MEN1: variants seen among roughly 807,000 people sequenced by gnomAD.
MEN1 encodes menin 1.
A neutral mutation model predicts 58.0 loss-of-function variants in MEN1; 6 were observed. The observed-to-expected ratio is 0.10, with a 90% confidence interval of 0.06 to 0.20. MEN1 has a LOEUF of 0.20. Among genes scored for constraint, MEN1 ranks in the 10% least tolerant of loss-of-function variants. The probability of loss-of-function intolerance (pLI) is 1.00; values close to 1 mark genes in which losing one functional copy is unlikely to be tolerated. For missense variants in MEN1, 492 were observed against 818.5 expected (o/e 0.60, Z 4.87); for synonymous variants, 346 against 350.7 (o/e 0.99, Z 0.15).
At chr11:64,808,817 A>G (rs1448653725) in intron 2 of MEN1, among the ~76,000 whole-genome samples, 2 of 152,138 alleles carry the variant, frequency 1.3e-5, no homozygotes, top group Non-Finnish European at 2.9e-5. Context: ...GCATGGTGGC[A>G]GGCTCCTGTA....
At position 64,804,901 on chromosome 11, in the gene MEN1, C is replaced by T; in HGVS notation, c.1351-85G>A. 6.3e-7 allele frequency: 1 copy of T among 1,596,194 alleles called. No individual in the cohort carries two copies. The highest frequency in any genetic ancestry group is 1.1e-5 in the South Asian group (1 of 90,856). On this transcript the variant is annotated intron_variant, in intron 9 of 9. Transcript: ENST00000450708. This position sits in a 1 kb window ranked among gnomAD's most constrained non-coding sequence, Gnocchi z 4.2. ...GGACCCTGCTCTGGCCATCCCATCCCACCCAGGGGGTCTCAGTCCCATCGG... is the reference window on the plus strand; with the variant it reads ...GGACCCTGCTCTGGCCATCCCATCCTACCCAGGGGGTCTCAGTCCCATCGG...
chr11:64,804,212 A>C lies in MEN1; in HGVS notation c.*122T>G. The C allele has an allele frequency of 2.4e-6, 3 of 1,275,768 alleles. No homozygotes were observed. Among genetic ancestry groups the C allele is most frequent in the Non-Finnish European group, 2.3e-6 (2 of 882,540 alleles). 79.0% of individuals were successfully genotyped at this position (1,275,768 alleles called of 1,614,324 possible). Reference sequence around the variant, plus strand: ...ATACAGACTGTACTCGGGACCGGGAACCTAGGGTTTGGGTAGAGGTGAGGC... The same window carrying C: ...ATACAGACTGTACTCGGGACCGGGACCCTAGGGTTTGGGTAGAGGTGAGGC... On this transcript the variant is annotated 3_prime_UTR_variant, in exon 10 of 10. Transcript: ENST00000450708. This position sits in a 1 kb window ranked among gnomAD's most constrained non-coding sequence, Gnocchi z 4.2.
Position 64,804,234 on chromosome 11 carries a change from A to AG in MEN1, c.*99dup. ...GGAACCTAGGGTTTGGGTAGAGGTG[A>AG]GGCCTGTCCCCTTTGGGCTGGGGGC... On this transcript the variant is annotated 3_prime_UTR_variant, in exon 10 of 10. Transcript: ENST00000450708. The surrounding 1 kb of genome is among the most constrained non-coding windows in gnomAD (Gnocchi z 4.2). The AG allele has an allele frequency of 1.3e-6, 2 of 1,505,944 alleles. No homozygotes were observed. Among genetic ancestry groups the AG allele is most frequent in the Admixed American group, 3.3e-5 (2 of 59,818 alleles). 93.3% of individuals were successfully genotyped at this position (1,505,944 alleles called of 1,614,324 possible). A position where few individuals can be genotyped will look rare whatever the true frequency, so the allele number is the denominator to read the frequency against.
chr11:64,804,020 G>T lies in MEN1; in HGVS notation c.*314C>A. ...AACGTTGGTCTGGCTCTAGGTGAGC[G>T]GTTCCGAGGAGGAGCTTGGGTTTCT... On this transcript the variant is annotated 3_prime_UTR_variant, in exon 10 of 10. Transcript: ENST00000450708. The surrounding 1 kb of genome is among the most constrained non-coding windows in gnomAD (Gnocchi z 4.2). 1 of 461,114 alleles carries T rather than the reference G, an allele frequency of 2.2e-6. No individual in the cohort carries two copies. The highest frequency in any genetic ancestry group is 4.0e-6 in the Non-Finnish European group (1 of 250,654). 28.6% of individuals were successfully genotyped at this position (461,114 alleles called of 1,614,324 possible).
chr11:64,806,195 A>G, intron 7 of MEN1, 37 bp downstream of exon 7: 1 of 1,613,024 alleles, frequency 6.2e-7, no homozygotes, highest in Non-Finnish European at 8.5e-7. Flanking sequence ...GAGGGGAAGA[A>G]AGGACAGGCT....
chr11:64,806,906 G>A (rs370047971), intron 6 of MEN1, 105 bp downstream of exon 6: 15 of 998,998 alleles, frequency 1.5e-5, no homozygotes, highest in Non-Finnish European at 2.2e-5. Flanking sequence ...CTGGATGGGC[G>A]ATACCCCCCA....
Position 64,805,157 on chromosome 11 carries a change from G to A in MEN1, c.1227C>T (p.Cys409=), listed in dbSNP as rs1941619859. 6.2e-7 allele frequency: 1 copy of A among 1,613,970 alleles called. No individual in the cohort carries two copies. Among genetic ancestry groups the A allele is most frequent in the African/African-American group, 1.3e-5 (1 of 74,940 alleles). The change falls in exon 9 of 10, where the codon TGC becomes TGT. Residue 409 remains cysteine (C), a synonymous_variant. Transcript: ENST00000450708. The part of the protein sequence containing the change: ...SQGSALQDPE[C]FAHLLRFYDG... ...CGTAGAATCGCAGCAGGTGGGCGAA[G>A]CACTCAGGGTCCTGGAGGGCGGAAC...
rs1941574613 is a variant in MEN1, at chr11:64,804,827, G to A, written c.1351-11C>T. ...CACCTTCTGCCGCACCTGGGCCAGT[G>A]GGGAGAGCAAGGTGAGAGCAAGGTT... On this transcript the variant is annotated splice_polypyrimidine_tract_variant and intron_variant, in intron 9 of 9. Coordinates refer to ENST00000450708, the MANE Select transcript of MEN1 (RefSeq NM_001370259.2). This position sits in a 1 kb window ranked among gnomAD's most constrained non-coding sequence, Gnocchi z 4.2. 3 of 1,596,710 alleles carry A rather than the reference G, an allele frequency of 1.9e-6. No individual in the cohort carries two copies. Among genetic ancestry groups the A allele is most frequent in the Admixed American group, 3.3e-5 (2 of 59,964 alleles).
At position 64,804,403 on chromosome 11, in the gene MEN1, C is replaced by T. The variant is rs373669288; in HGVS notation, c.1764G>A (p.Lys588=). ...QLTAQSQVQM[K]KQKVSTPSDY... ...CACTAGGGGTGGACACTTTCTGCTT[C>T]TTCATCTGCACTTGCGACTGTGCCG... Residue 588 remains lysine (K), a synonymous_variant, in exon 10 of 10, where the codon AAG becomes AAA. Coordinates refer to ENST00000450708, the MANE Select transcript of MEN1 (RefSeq NM_001370259.2). The surrounding 1 kb of genome is among the most constrained non-coding windows in gnomAD (Gnocchi z 4.2). The T allele has an allele frequency of 3.1e-5, 50 of 1,614,068 alleles. No homozygotes were observed. Among genetic ancestry groups the T allele is most frequent in the Non-Finnish European group, 4.1e-5 (48 of 1,180,030 alleles).
Position 64,803,764 on chromosome 11 carries a change from G to A in MEN1, c.*570C>T, listed in dbSNP as rs886048469. On this transcript the variant is annotated 3_prime_UTR_variant, in exon 10 of 10. Transcript: ENST00000450708. ...GCTCATAGGCTGGGGGCGGAGTTTTGTGTCCCAGACTCGGGATACGAAGGA... is the reference window on the plus strand; with the variant it reads ...GCTCATAGGCTGGGGGCGGAGTTTTATGTCCCAGACTCGGGATACGAAGGA... 1 of 243,684 alleles carries A rather than the reference G, an allele frequency of 4.1e-6. No homozygotes were observed. Among genetic ancestry groups the A allele is most frequent in the East Asian group, 5.9e-5 (1 of 16,980 alleles). The allele number at this position is 243,684 out of a possible 1,614,324, so 15.1% of individuals were successfully genotyped here. A position where few individuals can be genotyped will look rare whatever the true frequency, so the allele number is the denominator to read the frequency against.
chr11:64,805,486 TCA>T, intron 8 of MEN1, 147 bp downstream of exon 8: 1 of 1,058,894 alleles, frequency 9.4e-7, no homozygotes, highest in Non-Finnish European at 1.4e-6. Flanking sequence ...GCCCAGGACC[TCA>T]GTTATAGCAA....
intron 8 of MEN1, 87 bp from the exon 9 acceptor site, chr11:64,805,285 G>A (rs1415841608): frequency 4.1e-6 from 6 of 1,471,206 alleles, no homozygotes; most frequent in African/African-American, 2.8e-5. Context: ...CCTAGGCAAA[G>A]ACCCCTGGCT....
Position 64,809,073 on chromosome 11 carries a change from G to A in MEN1, c.445+592C>T, listed in dbSNP as rs1941938284. 2.0e-5 allele frequency among the ~76,000 whole-genome samples: 3 copies of A among 151,666 alleles called. No homozygotes were observed. In the South Asian group the frequency reaches 6.2e-4, roughly 32 times the overall value. ...GCCCAAGAGTTCAAGACCAGTCTGG[G>A]CCACATAGTGAGACACCATCTCTAC... On this transcript the variant is annotated intron_variant, in intron 2 of 9. Coordinates refer to ENST00000450708, the MANE Select transcript of MEN1 (RefSeq NM_001370259.2).
At chr11:64,806,872 GCA>G in intron 6 of MEN1, 137 bp downstream of exon 6, 1 of 790,224 alleles carries the variant, frequency 1.3e-6, no homozygotes, top group Non-Finnish European at 2.1e-6. Flanking sequence ...AACTGATTCT[GCA>G]CACAGTTGAC....
rs771645621 is a variant in MEN1, at chr11:64,806,340, C to T, written c.941G>A (p.Arg314Gln). 84 of 1,614,056 alleles carry T rather than the reference C, an allele frequency of 5.2e-5. No individual in the cohort carries two copies. Among genetic ancestry groups the T allele is most frequent in the Non-Finnish European group, 6.7e-5 (79 of 1,180,012 alleles). Reference sequence around the variant, plus strand: ...CATGTAGGGGTAGATGTGTTCATCCCGATAGTAGGTCTTGGCTGAGGCAAT... The same window carrying T: ...CATGTAGGGGTAGATGTGTTCATCCTGATAGTAGGTCTTGGCTGAGGCAAT... ...KGIASAKTYY[R>Q]DEHIYPYMYL... The change falls in exon 7 of 10, where the codon CGG becomes CAG. Residue 314 changes from arginine (R) to glutamine (Q), a missense_variant. Transcript: ENST00000450708.
chr11:64,810,160 T>TGGGGG, intron 1 of MEN1, 28 bp from the exon 2 acceptor site: 6 of 450,296 alleles, frequency 1.3e-5, no homozygotes, highest in East Asian at 4.3e-5. Context: ...GGAGGGAGGG[T>TGGGGG]CGGGCAGGTT....
intron 2 of MEN1, among the ~76,000 whole-genome samples, chr11:64,809,136 T>C (rs1333673505): frequency 6.7e-6 from 1 of 149,378 alleles, no homozygotes; most frequent in Non-Finnish European, 1.5e-5. Flanking sequence ...CCACGGTGCA[T>C]GCCTGTACTC....
chr11:64,810,491 T>G, intron 1 of MEN1, 23 bp downstream of exon 1: 1 of 223,232 alleles, frequency 4.5e-6, no homozygotes, highest in Non-Finnish European at 9.0e-6. Flanking sequence ...AGGAGAGTCC[T>G]GGCCTCGGTC....
rs765306552 is a variant in MEN1 at position 64,804,801 on chromosome 11, G to A, written c.1366C>T (p.Arg456Cys). 5.0e-6 allele frequency: 8 copies of A among 1,597,080 alleles called. No homozygotes were observed. Among genetic ancestry groups the A allele is most frequent in the African/African-American group, 1.3e-5 (1 of 74,906 alleles). ...GCCTCGGCCTCTCGGCTCACTATGC[G>A]CACCTTCTGCCGCACCTGGGCCAGT... is the stretch of plus-strand genomic sequence containing the variant. Reference protein sequence around the residue: ...RFEGQVRQKVRIVSREAEAAE... With the variant: ...RFEGQVRQKVCIVSREAEAAE... The change falls in exon 10 of 10, where the codon CGC becomes TGC. Residue 456 changes from arginine to cysteine, a missense_variant. By Grantham distance (180) the Arg-to-Cys change is radical. Around this residue, in one of 5 missense-constraint regions of MEN1, gnomAD observed 45 missense variants for 66.9 expected, o/e 0.67. Transcript: ENST00000450708. This position sits in a 1 kb window ranked among gnomAD's most constrained non-coding sequence, Gnocchi z 4.2.
Sources: gnomAD v4.1 joint callset for allele counts (sites outside exome capture counted in the v4.1 genomes callset) on GRCh38, gnomAD v4.1.1 for gene constraint, gnomAD v4.1.1 regional missense constraint, Gnocchi (gnomAD v3.1) non-coding constraint, MANE v1.5 for transcripts, NCBI Gene and HGNC (gene_info 2026-07-23, HGNC 2026-07-21) for gene names.